Variants in LAMA2 observed in about 807,000 individuals in gnomAD.
LAMA2 encodes the protein laminin subunit alpha-2.
A neutral mutation model predicts 364.8 loss-of-function variants in LAMA2; 269 were observed. The ratio of observed to expected loss-of-function variants is 0.74; its 90% CI spans 0.67 to 0.82. The LOEUF (loss-of-function observed/expected upper bound fraction) is 0.82, where lower values mean the gene tolerates loss of function less well. Among genes scored for constraint, LAMA2 ranks in the 40% least tolerant of loss-of-function variants. LAMA2 has a pLI of 0.00. For missense variants in LAMA2, 3,807 were observed against 3,873.2 expected, an observed-to-expected ratio of 0.98 and a Z score of 0.45; for synonymous variants, 1,379 against 1,370.6, an observed-to-expected ratio of 1.01 and a Z score of -0.14.
intron 40 of LAMA2, among the ~76,000 whole-genome samples, chr6:129,422,360 A>G: frequency 6.6e-6 from 1 of 152,106 alleles, no homozygotes; most frequent in Non-Finnish European, 1.5e-5. Flanking sequence ...AATTAGCAAC[A>G]CGGAGGTCTG....
At chr6:129,410,752 A>G (rs186462092) in intron 40 of LAMA2, among the ~76,000 whole-genome samples, 47 of 129,016 alleles carry the variant, frequency 3.6e-4, no homozygotes, top group African/African-American at 1.4e-3. Flanking sequence ...ATAGATAGAT[A>G]GATAATAGAT....
chr6:129,244,540 C>T (rs1785617076), intron 12 of LAMA2, among the ~76,000 whole-genome samples: 1 of 152,052 alleles, frequency 6.6e-6, no homozygotes, highest in African/African-American at 2.4e-5. Context: ...AATATTTGCT[C>T]TGGTAAGCAA....
chr6:129,158,292 A>T, intron 8 of LAMA2: 2 of 1,614,028 alleles, frequency 1.2e-6, no homozygotes, highest in Non-Finnish European at 1.7e-6. Flanking sequence ...AGTTTGGTAG[A>T]TTTCTGTTTC....
At position 129,300,789 on chromosome 6, in the gene LAMA2, A is replaced by G. The variant is rs768032136; in HGVS notation, c.3091A>G (p.Ile1031Val). Residue 1031 changes from isoleucine to valine, a missense_variant, in exon 22 of 65, where the codon ATT becomes GTT. Around this residue, in one of 3 missense-constraint regions of LAMA2, gnomAD observed 3,333 missense variants for 3,345.7 expected, o/e 1.00. Transcript: ENST00000421865. ...NNCDPKTGRC[I>V]CPPNTIGEKC... ...TTGTGACCCAAAGACTGGGCGATGC[A>G]TTTGCCCTCCCAATACCATTGGAGA... 3 of 1,613,422 alleles carry G rather than the reference A, an allele frequency of 1.9e-6. No homozygotes were observed. Among genetic ancestry groups the G allele is most frequent in the South Asian group, 2.2e-5 (2 of 91,070 alleles).
intron 1 of LAMA2, among the ~76,000 whole-genome samples, chr6:128,970,109 T>G (rs955921740): frequency 6.6e-6 from 1 of 152,224 alleles, no homozygotes; most frequent in Non-Finnish European, 1.5e-5. Flanking sequence ...AGTCATAAGC[T>G]GCAAGTCAGT....
chr6:129,360,160 G>T (rs1011137621), intron 32 of LAMA2, among the ~76,000 whole-genome samples: 3 of 152,032 alleles, frequency 2.0e-5, no homozygotes, highest in South Asian at 2.1e-4. Flanking sequence ...GTTTGGAAAG[G>T]TTCTTTGAGG....
chr6:129,456,392 T>G lies in LAMA2; in HGVS notation c.6765T>G (p.Ile2255Met), dbSNP rs754683749. 2 of 1,613,628 alleles carry G rather than the reference T, an allele frequency of 1.2e-6. No homozygotes were observed. The highest frequency in any genetic ancestry group is 1.7e-6 in the Non-Finnish European group (2 of 1,179,654). ...CCCTGGATGGACCCAAAGCCAGCAT[T>G]GTGCCCAGCACACACCATTCGACGT... Reference protein sequence around the residue: ...VRALDGPKASIVPSTHHSTSP... With the variant: ...VRALDGPKASMVPSTHHSTSP... Residue 2255 changes from isoleucine (I) to methionine (M), a missense_variant, in exon 48 of 65, where the codon ATT (isoleucine) becomes ATG (methionine). Physicochemically the swap from Ile to Met is conservative, Grantham distance 10 (BLOSUM62 1). Coordinates refer to ENST00000421865, the MANE Select transcript of LAMA2 (RefSeq NM_000426.4).
At position 129,098,600 on chromosome 6, in the gene LAMA2, A is replaced by C. The variant is rs181326081; in HGVS notation, c.639+185A>C. On this transcript the variant is annotated intron_variant, in intron 4 of 64. Transcript: ENST00000421865. ...GGTGATTAGAATTTTAACTACCTTC[A>C]TGTGTCTCCCATCTCCAGTAAAGAT... Among the ~76,000 whole-genome samples, 6 of 152,336 alleles carry C rather than the reference A, an allele frequency of 3.9e-5. No individual in the cohort carries two copies. In the East Asian group the frequency reaches 9.6e-4, roughly 24 times the overall value.
Position 129,366,318 on chromosome 6 carries a change from A to C in LAMA2, c.4817A>C (p.Tyr1606Ser). The C allele has an allele frequency of 6.2e-7, 1 of 1,614,002 alleles. No individual in the cohort carries two copies. The highest frequency in any genetic ancestry group is 8.5e-7 in the Non-Finnish European group (1 of 1,179,984). Residue 1606 changes from tyrosine (Y) to serine (S), a missense_variant, in exon 33 of 65, where the codon TAT (tyrosine) becomes TCT (serine). Coordinates refer to ENST00000421865, the MANE Select transcript of LAMA2 (RefSeq NM_000426.4). Reference protein sequence around the residue: ...INLTGPLPAPYKMLYGLENMT... With the variant: ...INLTGPLPAPSKMLYGLENMT... ...CTCACTGGTCCGCTGCCTGCGCCATATAAAATGCTGTATGGTCTTGAAAAT... is the reference window on the plus strand; with the variant it reads ...CTCACTGGTCCGCTGCCTGCGCCATCTAAAATGCTGTATGGTCTTGAAAAT...
intron 48 of LAMA2, among the ~76,000 whole-genome samples, chr6:129,459,695 CT>C (rs1783147542): frequency 2.0e-5 from 3 of 152,042 alleles, no homozygotes; most frequent in African/African-American, 7.2e-5. Flanking sequence ...AGCATGTCCC[CT>C]TTCTTCTGAT....
At chr6:129,107,512 C>T (rs1023661799) in intron 4 of LAMA2, among the ~76,000 whole-genome samples, 7 of 152,076 alleles carry the variant, frequency 4.6e-5, no homozygotes, top group African/African-American at 1.7e-4. Context: ...AAACCACAAG[C>T]TTGCTGAAGT....
chr6:129,443,830 T>C (rs924575558), intron 44 of LAMA2, among the ~76,000 whole-genome samples: 2 of 152,030 alleles, frequency 1.3e-5, no homozygotes, highest in Non-Finnish European at 2.9e-5. Flanking sequence ...ATTTGAAAAA[T>C]ATGACCAAGA....
chr6:129,372,115 A>C (rs1054007924), intron 34 of LAMA2, among the ~76,000 whole-genome samples: 21 of 152,144 alleles, frequency 1.4e-4, no homozygotes, highest in African/African-American at 4.8e-4. Context: ...AGAATGGTAC[A>C]TTTATTATAG....
At chr6:129,243,465 ATG>A (rs1785522803) in intron 12 of LAMA2, among the ~76,000 whole-genome samples, 1 of 151,928 alleles carries the variant, frequency 6.6e-6, no homozygotes, top group Non-Finnish European at 1.5e-5. Flanking sequence ...TTTTATGAGA[ATG>A]TGGAGTTATA....
chr6:129,261,139 C>T (rs895124841), intron 15 of LAMA2, among the ~76,000 whole-genome samples: 1 of 151,904 alleles, frequency 6.6e-6, no homozygotes, highest in Non-Finnish European at 1.5e-5. Flanking sequence ...ATTTTCTCTT[C>T]ATTTTCATCA....
At chr6:128,974,074 G>A (rs554085936) in intron 1 of LAMA2, among the ~76,000 whole-genome samples, 2 of 152,208 alleles carry the variant, frequency 1.3e-5, no homozygotes, top group East Asian at 1.9e-4. Flanking sequence ...TCACACAGTC[G>A]CCAGCCCAAT....
intron 41 of LAMA2, among the ~76,000 whole-genome samples, chr6:129,429,043 G>C (rs1781463720): frequency 6.6e-6 from 1 of 151,950 alleles, no homozygotes; most frequent in Admixed American, 6.6e-5. Flanking sequence ...CATGTTTTCA[G>C]TATTATTTCT....
At chr6:129,364,272 GTT>G (rs1361540579) in intron 32 of LAMA2, among the ~76,000 whole-genome samples, 1 of 152,070 alleles carries the variant, frequency 6.6e-6, no homozygotes, top group Non-Finnish European at 1.5e-5. Flanking sequence ...CCAGTTAATG[GTT>G]TTCTCTCCAT....
intron 58 of LAMA2, 60 bp downstream of exon 58, chr6:129,492,543 C>T: frequency 6.9e-7 from 1 of 1,451,846 alleles, no homozygotes; most frequent in East Asian, 2.3e-5. Context: ...TGAGTCATTT[C>T]AGAAGGAAGA....
Sources: allele counts gnomAD v4.1 joint callset (sites outside exome capture counted in the v4.1 genomes callset), GRCh38; gene constraint gnomAD v4.1.1; regional missense constraint gnomAD v4.1.1; transcripts MANE v1.5; gene names NCBI Gene and HGNC (gene_info 2026-07-23, HGNC 2026-07-21).